TDRD9: variants seen among roughly 807,000 people sequenced by gnomAD.
TDRD9 encodes the protein tudor domain containing 9, also known as ATP-dependent RNA helicase TDRD9.
TDRD9 carries 124 observed loss-of-function variants against 172.6 expected under a neutral mutation model. That is an observed-to-expected ratio of 0.72 (90% CI 0.62 to 0.83). The LOEUF (loss-of-function observed/expected upper bound fraction) is 0.83. Among genes scored for constraint, TDRD9 ranks in the 40% least tolerant of loss-of-function variants. The pLI is 0.00. For missense variants in TDRD9, 1,479 were observed against 1,714.1 expected (o/e 0.86, Z 2.42); for synonymous variants, 619 against 617.1 (o/e 1.00, Z -0.05).
chr14:103,968,731 G>A, intron 5 of TDRD9, among the ~76,000 whole-genome samples: 1 of 123,602 alleles, frequency 8.1e-6, no homozygotes, highest in Admixed American at 9.7e-5. Flanking sequence ...GGGAGGCAGA[G>A]GTTGCAGTGA....
intron 13 of TDRD9, among the ~76,000 whole-genome samples, chr14:104,002,264 G>A (rs1239390417): frequency 1.4e-5 from 2 of 148,056 alleles, no homozygotes; most frequent in African/African-American, 5.0e-5. Flanking sequence ...ATGCAGTTGA[G>A]CCATGATTGC....
chr14:104,040,871 G>A (rs1248799250), intron 33 of TDRD9, among the ~76,000 whole-genome samples: 1 of 152,230 alleles, frequency 6.6e-6, no homozygotes, highest in Admixed American at 6.5e-5. Flanking sequence ...AGTACACAAA[G>A]TATTTGTATG....
At chr14:104,000,120 A>G (rs1281510178) in intron 13 of TDRD9, among the ~76,000 whole-genome samples, 3 of 151,892 alleles carry the variant, frequency 2.0e-5, no homozygotes, top group African/African-American at 7.3e-5. Context: ...TGAGCTTAGG[A>G]GTTCGAGACC....
intron 35 of TDRD9, among the ~76,000 whole-genome samples, chr14:104,050,779 T>C (rs562732111): frequency 9.9e-5 from 15 of 152,124 alleles, no homozygotes; most frequent in Non-Finnish European, 1.9e-4. Context: ...TCAGGCTCGG[T>C]TGGAGTGTCT....
chr14:103,969,191 G>A (rs1373054422), intron 5 of TDRD9, among the ~76,000 whole-genome samples: 2 of 138,478 alleles, frequency 1.4e-5, no homozygotes, highest in South Asian at 4.4e-4. Flanking sequence ...TTTGAGTACT[G>A]CTATGGAAAA....
chr14:103,986,984 C>T (rs749914196), intron 8 of TDRD9, among the ~76,000 whole-genome samples: 5 of 151,966 alleles, frequency 3.3e-5, no homozygotes, highest in East Asian at 1.9e-4. Flanking sequence ...CATGGTGGTG[C>T]GCACCTGTAG....
At chr14:104,010,387 C>A (rs999889090) in intron 20 of TDRD9, among the ~76,000 whole-genome samples, 1 of 152,114 alleles carries the variant, frequency 6.6e-6, no homozygotes, top group East Asian at 1.9e-4. Context: ...TTAGCCTAGG[C>A]GTACACAGAG....
At chr14:104,022,389 A>G (rs184817648) in intron 24 of TDRD9, 59 bp downstream of exon 24, 3 of 1,534,336 alleles carry the variant, frequency 2.0e-6, no homozygotes, top group Admixed American at 1.8e-5. Context: ...CTCAGGTGCT[A>G]TTTTTACATG....
chr14:103,933,896 G>T (rs1595887974), intron 1 of TDRD9, among the ~76,000 whole-genome samples: 1 of 152,224 alleles, frequency 6.6e-6, no homozygotes, highest in Non-Finnish European at 1.5e-5. Flanking sequence ...TGTAGAATGG[G>T]TGTGTTGGAC....
chr14:103,963,306 G>A (rs1010520025), intron 3 of TDRD9, 130 bp downstream of exon 3: 2 of 593,618 alleles, frequency 3.4e-6, no homozygotes, highest in Non-Finnish European at 5.6e-6. Context: ...GTTCTGTGGT[G>A]GATAAGAGGA....
At chr14:104,029,402 G>A (rs922892206) in intron 28 of TDRD9, among the ~76,000 whole-genome samples, 4 of 152,056 alleles carry the variant, frequency 2.6e-5, no homozygotes, top group African/African-American at 4.8e-5. Context: ...CACCTCCTTG[G>A]TTAAATATAT....
At position 104,005,864 on chromosome 14, in the gene TDRD9, G is replaced by T. The variant is rs193005233; in HGVS notation, c.1713+459G>T. ...GTCTTGCTCTGTTGCCTAGGCTGGA[G>T]CGCAGTGATGCAATCATGGCTTACT... is the stretch of plus-strand genomic sequence containing the variant. On this transcript the variant is annotated intron_variant, in intron 15 of 35. Transcript: ENST00000409874. Among the ~76,000 whole-genome samples, 482 of 152,282 alleles carry T rather than the reference G, an allele frequency of 3.2e-3. 1 individual carries two copies. The highest frequency in any genetic ancestry group is 6.8e-3 in the Middle Eastern group (2 of 294).
At chr14:104,013,214 T>G (rs1464848279) in intron 20 of TDRD9, among the ~76,000 whole-genome samples, 1 of 152,250 alleles carries the variant, frequency 6.6e-6, no homozygotes, top group Non-Finnish European at 1.5e-5. Flanking sequence ...GATACTTTTG[T>G]GGTGACTTAA....
chr14:104,040,968 G>A (rs969766879), intron 33 of TDRD9, among the ~76,000 whole-genome samples: 1 of 152,196 alleles, frequency 6.6e-6, no homozygotes, highest in African/African-American at 2.4e-5. Context: ...TATTTTTATT[G>A]CATTTTACAA....
chr14:104,040,120 G>A lies in TDRD9; in HGVS notation c.3717-76G>A, dbSNP rs72714919. 7.5e-3 allele frequency: 9,412 copies of A among 1,255,816 alleles called. 44 individuals carry two copies. Among genetic ancestry groups the A allele is most frequent in the Non-Finnish European group, 8.3e-3 (8,136 of 981,436 alleles). 77.8% of individuals were successfully genotyped at this position (1,255,816 alleles called of 1,614,324 possible). On this transcript the variant is annotated intron_variant, in intron 32 of 35. Coordinates refer to ENST00000409874, the MANE Select transcript of TDRD9 (RefSeq NM_153046.3). ...TGGCAGAATTTAGGATAATTTTATC[G>A]GTCAATTTTTACATGCTAAAACATA...
At chr14:103,973,689 A>G (rs2033128143) in intron 6 of TDRD9, among the ~76,000 whole-genome samples, 1 of 152,160 alleles carries the variant, frequency 6.6e-6, no homozygotes. Context: ...GTCGTTCCTT[A>G]AAACCCAGTT....
intron 15 of TDRD9, among the ~76,000 whole-genome samples, chr14:104,006,116 AT>A (rs1252689964): frequency 2.0e-5 from 3 of 152,158 alleles, no homozygotes; most frequent in African/African-American, 7.2e-5. Context: ...TGCATGCCAT[AT>A]TTGTTCAAGA....
chr14:103,975,977 A>T (rs547629639), intron 7 of TDRD9, among the ~76,000 whole-genome samples: 2 of 152,132 alleles, frequency 1.3e-5, no homozygotes, highest in South Asian at 4.2e-4. Flanking sequence ...TAAAAAGGAC[A>T]CTAGAAGTTA....
Position 104,005,422 on chromosome 14 carries a change from G to T in TDRD9, c.1713+17G>T. 1 of 1,613,732 alleles carries T rather than the reference G, an allele frequency of 6.2e-7. No individual in the cohort carries two copies. Among genetic ancestry groups the T allele is most frequent in the Non-Finnish European group, 8.5e-7 (1 of 1,179,762 alleles). ...CTAAAGGAGGTAGGACTGCCTGCTG[G>T]TTAGTACTGTTGGCATCTGTAGAGC... On this transcript the variant is annotated intron_variant, in intron 15 of 35. Coordinates refer to ENST00000409874, the MANE Select transcript of TDRD9 (RefSeq NM_153046.3).
Sources: allele counts gnomAD v4.1 joint callset (sites outside exome capture counted in the v4.1 genomes callset), GRCh38; gene constraint gnomAD v4.1.1; transcripts MANE v1.5; gene names NCBI Gene and HGNC (gene_info 2026-07-23, HGNC 2026-07-21).